The following MTRFR variants were observed in gnomAD, a reference collection of about 807,000 sequenced individuals.
MTRFR encodes mitochondrial translation release factor in rescue, also known as probable peptide chain release factor C12orf65, mitochondrial.
MTRFR carries 10 observed loss-of-function variants against 11.9 expected under a neutral mutation model. The ratio of observed to expected loss-of-function variants is 0.84; its 90% CI spans 0.52 to 1.42. MTRFR has a LOEUF of 1.42. Among genes scored for constraint, MTRFR ranks in the 40% most tolerant of loss-of-function variants. The pLI, the probability that MTRFR is intolerant of heterozygous loss-of-function variation, is 0.00. For synonymous variants in MTRFR, 77 were observed against 79.1 expected (o/e 0.97, Z 0.14); for missense variants, 196 against 197.9 (o/e 0.99, Z 0.06).
intron 1 of MTRFR, among the ~76,000 whole-genome samples, chr12:123,234,679 G>A (rs1031994200): frequency 1.3e-5 from 2 of 152,174 alleles, no homozygotes; most frequent in Admixed American, 6.5e-5. Flanking sequence ...TTACAGGCAT[G>A]AGCCACCACG....
At chr12:123,235,525 C>A (rs1426580919) in intron 1 of MTRFR, among the ~76,000 whole-genome samples, 1 of 151,282 alleles carries the variant, frequency 6.6e-6, no homozygotes, top group East Asian at 2.0e-4. Flanking sequence ...CCACCAGGCC[C>A]AGCTAATTTT....
At chr12:123,250,623 T>C (rs2048100746) in intron 1 of MTRFR, 1 of 152,230 alleles carries the variant, frequency 6.6e-6, no homozygotes, top group South Asian at 2.1e-4. Flanking sequence ...GATTGTTGTC[T>C]CTCTTCTGGG....
At chr12:123,235,829 C>T (rs1228479566) in intron 1 of MTRFR, among the ~76,000 whole-genome samples, 2 of 151,102 alleles carry the variant, frequency 1.3e-5, no homozygotes, top group African/African-American at 2.4e-5. Context: ...TTCGGGAGGC[C>T]GAGGCAAGCG....
At position 123,235,979 on chromosome 12, in the gene MTRFR, G is replaced by A. The variant is rs535556906; in HGVS notation, c.-29+2448G>A. On this transcript the variant is annotated intron_variant, in intron 1 of 2. Coordinates refer to ENST00000253233, the MANE Select transcript of MTRFR (RefSeq NM_152269.5). Reference sequence around the variant, plus strand: ...CTTGGGAGGCTGAAGCAGGAGAATCGCTGGAACCCGGGAGGCAAAGGTTGT... The same window carrying A: ...CTTGGGAGGCTGAAGCAGGAGAATCACTGGAACCCGGGAGGCAAAGGTTGT... Among the ~76,000 whole-genome samples, 6 of 152,088 alleles carry A rather than the reference G, an allele frequency of 3.9e-5. No individual in the cohort carries two copies. In the East Asian group the frequency reaches 7.8e-4, roughly 20 times the overall value.
intron 1 of MTRFR, among the ~76,000 whole-genome samples, chr12:123,234,456 C>A (rs940662993): frequency 6.6e-6 from 1 of 152,110 alleles, no homozygotes; most frequent in Non-Finnish European, 1.5e-5. Flanking sequence ...AGGGCAGTGG[C>A]GCGATCTCGG....
At chr12:123,256,173 C>T (rs529371092) in intron 2 of MTRFR, among the ~76,000 whole-genome samples, 2 of 152,308 alleles carry the variant, frequency 1.3e-5, no homozygotes, top group South Asian at 2.1e-4. Context: ...ATGCTATTTT[C>T]TTCCTTCAGA....
intron 2 of MTRFR, 143 bp downstream of exon 2, chr12:123,254,099 G>C: frequency 2.2e-6 from 2 of 928,422 alleles, no homozygotes; most frequent in Non-Finnish European, 3.2e-6. Flanking sequence ...AGGCAGTAGA[G>C]AGCACCGCAG....
Position 123,257,068 on chromosome 12 carries a change from A to G in MTRFR, c.*37A>G. On this transcript the variant is annotated 3_prime_UTR_variant, in exon 3 of 3. Transcript: ENST00000253233. ...GAGATTCCAACTGACAGAATCTGCC[A>G]GAAGCTCCCAGGGAATAATGGTGGC... The G allele has an allele frequency of 1.3e-6, 2 of 1,510,764 alleles. No homozygotes were observed. Among genetic ancestry groups the G allele is most frequent in the Non-Finnish European group, 9.2e-7 (1 of 1,089,724 alleles). The allele number at this position is 1,510,764 out of a possible 1,614,324, so 93.6% of individuals were successfully genotyped here.
intron 1 of MTRFR, among the ~76,000 whole-genome samples, chr12:123,246,709 ATTTTTTTTTTTTTTTTTTTTTTT>A (rs1157677577): frequency 9.4e-5 from 5 of 53,456 alleles, no homozygotes; most frequent in East Asian, 6.1e-4. Flanking sequence ...TATAATTTCA[ATTTTTTTTTTTTTTTTTTTTTTT>A]TTTTTTTTTT....
chr12:123,243,173 CCATTT>C (rs1434432302), intron 1 of MTRFR, among the ~76,000 whole-genome samples: 3 of 152,162 alleles, frequency 2.0e-5, no homozygotes, highest in African/African-American at 7.2e-5. Flanking sequence ...TTGGCACACT[CCATTT>C]CAAAGTATAT....
intron 1 of MTRFR, among the ~76,000 whole-genome samples, chr12:123,245,542 G>T (rs2048027384): frequency 6.6e-6 from 1 of 152,132 alleles, no homozygotes; most frequent in African/African-American, 2.4e-5. Context: ...ATTTGTTTGT[G>T]TCATCTATGA....
chr12:123,254,901 T>TACCA (rs1187486582), intron 2 of MTRFR: 1 of 150,038 alleles, frequency 6.7e-6, no homozygotes, highest in Non-Finnish European at 1.5e-5. Context: ...TGCTACTGCA[T>TACCA]ACCAGCCTGG....
At chr12:123,245,348 T>TG (rs1327442918) in intron 1 of MTRFR, among the ~76,000 whole-genome samples, 1 of 152,224 alleles carries the variant, frequency 6.6e-6, no homozygotes, top group Non-Finnish European at 1.5e-5. Flanking sequence ...TGCTTAGTCT[T>TG]GCTTTGGCTA....
chr12:123,237,558 A>G (rs2047870509), intron 1 of MTRFR, among the ~76,000 whole-genome samples: 1 of 152,256 alleles, frequency 6.6e-6, no homozygotes, highest in African/African-American at 2.4e-5. Flanking sequence ...AATTTAGACC[A>G]GACCTAGAGT....
At chr12:123,235,103 C>G (rs1375067443) in intron 1 of MTRFR, among the ~76,000 whole-genome samples, 1 of 152,150 alleles carries the variant, frequency 6.6e-6, no homozygotes, top group African/African-American at 2.4e-5. Flanking sequence ...GTGTGTCATT[C>G]CAAAGTTCCT....
At chr12:123,244,013 A>C (rs924281351) in intron 1 of MTRFR, 4 of 152,174 alleles carry the variant, frequency 2.6e-5, no homozygotes, top group African/African-American at 7.2e-5. Context: ...GATCTGCTGG[A>C]TGTCCAGTTA....
intron 1 of MTRFR, among the ~76,000 whole-genome samples, chr12:123,243,526 T>C (rs1488332236): frequency 2.0e-4 from 10 of 51,058 alleles, no homozygotes; most frequent in Admixed American, 6.1e-4. Context: ...CGAGACTCCG[T>C]CTCAAAAAAA....
At chr12:123,243,183 G>A (rs1466115993) in intron 1 of MTRFR, among the ~76,000 whole-genome samples, 1 of 151,926 alleles carries the variant, frequency 6.6e-6, no homozygotes, top group African/African-American at 2.4e-5. Flanking sequence ...CCATTTCAAA[G>A]TATATCCCTT....
At chr12:123,239,487 C>T (rs942092235) in intron 1 of MTRFR, among the ~76,000 whole-genome samples, 5 of 151,900 alleles carry the variant, frequency 3.3e-5, no homozygotes, top group Non-Finnish European at 7.4e-5. Flanking sequence ...ACCGCAATCT[C>T]CACCTCCCAG....
Sources: gnomAD v4.1 joint callset for allele counts (sites outside exome capture counted in the v4.1 genomes callset) on GRCh38, gnomAD v4.1.1 for gene constraint, MANE v1.5 for transcripts, NCBI Gene and HGNC (gene_info 2026-07-23, HGNC 2026-07-21) for gene names.